The following DTD1 variants were observed in gnomAD, a reference collection of about 807,000 sequenced individuals.
DTD1 encodes D-aminoacyl-tRNA deacylase 1.
In DTD1, 13 loss-of-function variants were observed where a neutral mutation model predicts 25.6. The observed-to-expected ratio is 0.51, with a 90% CI of 0.33 to 0.81. DTD1 has a LOEUF of 0.81. DTD1 is among the 30% of genes least tolerant of loss of function. The pLI is 0.02. For synonymous variants in DTD1, 110 were observed against 103.6 expected (o/e 1.06, Z -0.37); for missense variants, 193 against 266.4 (o/e 0.72, Z 1.92).
chr20:18,711,778 G>T (rs2061159542), intron 4 of DTD1, among the ~76,000 whole-genome samples: 1 of 152,146 alleles, frequency 6.6e-6, no homozygotes, highest in African/African-American at 2.4e-5. Flanking sequence ...AGACACAGTG[G>T]CTCATGCCTG....
At chr20:18,717,621 G>C (rs1260614849) in intron 4 of DTD1, among the ~76,000 whole-genome samples, 1 of 152,026 alleles carries the variant, frequency 6.6e-6, no homozygotes, top group Non-Finnish European at 1.5e-5. Context: ...CATATTTATT[G>C]AAAAAATTAT....
At position 18,593,794 on chromosome 20, in the gene DTD1, A is replaced by T; in HGVS notation, c.107A>T (p.Glu36Val). Reference protein sequence around the residue: ...GICVLLGISLEDTQKELEHMV... With the variant: ...GICVLLGISLVDTQKELEHMV... ...TGTGTGTTGCTGGGTATTTCCCTGGAGGATACGCAGAAGGAACTGGAACAC... is the reference window on the plus strand; with the variant it reads ...TGTGTGTTGCTGGGTATTTCCCTGGTGGATACGCAGAAGGAACTGGAACAC... Residue 36 changes from glutamate (E) to valine (V), a missense_variant, in exon 2 of 6, where the codon GAG (glutamate) becomes GTG (valine). Transcript: ENST00000377452. The T allele has an allele frequency of 6.2e-7, 1 of 1,613,900 alleles. No homozygotes were observed.
intron 4 of DTD1, among the ~76,000 whole-genome samples, chr20:18,733,154 G>A (rs1476948576): frequency 1.3e-5 from 2 of 152,198 alleles, no homozygotes; most frequent in Non-Finnish European, 2.9e-5. Flanking sequence ...CAGGGGGACT[G>A]TGTGGGACAT....
intron 4 of DTD1, among the ~76,000 whole-genome samples, chr20:18,670,166 A>C (rs541938317): frequency 7.9e-5 from 12 of 152,242 alleles, no homozygotes; most frequent in African/African-American, 2.9e-4. Flanking sequence ...TTCAAATGTA[A>C]GTCATTTTGG....
At chr20:18,723,602 A>G (rs565012007) in intron 4 of DTD1, among the ~76,000 whole-genome samples, 2 of 152,344 alleles carry the variant, frequency 1.3e-5, no homozygotes, top group Admixed American at 6.5e-5. Context: ...TGATATCCAC[A>G]CTACAGTACA....
At chr20:18,688,251 A>G (rs1025149162) in intron 4 of DTD1, among the ~76,000 whole-genome samples, 1 of 152,248 alleles carries the variant, frequency 6.6e-6, no homozygotes, top group Non-Finnish European at 1.5e-5. Flanking sequence ...CATTTGGGAT[A>G]CCATGATGAA....
chr20:18,602,859 GC>G (rs2060641208), intron 3 of DTD1, among the ~76,000 whole-genome samples: 1 of 108,964 alleles, frequency 9.2e-6, no homozygotes, highest in Non-Finnish European at 2.0e-5. Context: ...GGAAGAAACT[GC>G]ATCAACTAAT....
At chr20:18,643,049 G>A (rs1344917851) in intron 4 of DTD1, 3 of 160,956 alleles carry the variant, frequency 1.9e-5, no homozygotes. Context: ...CCCAGTAGCT[G>A]GGATTGCAGG....
chr20:18,724,796 T>G (rs181730142), intron 4 of DTD1, among the ~76,000 whole-genome samples: 7 of 152,332 alleles, frequency 4.6e-5, no homozygotes, highest in South Asian at 2.1e-4. Flanking sequence ...TCCAAATAAA[T>G]GGGGATCTAT....
chr20:18,635,726 C>T (rs576580787), intron 4 of DTD1, among the ~76,000 whole-genome samples: 5 of 152,248 alleles, frequency 3.3e-5, no homozygotes, highest in South Asian at 4.1e-4. Flanking sequence ...TAATTTGTTT[C>T]CAAATAGATG....
intron 4 of DTD1, among the ~76,000 whole-genome samples, chr20:18,656,947 A>G (rs1163179626): frequency 6.6e-6 from 1 of 152,240 alleles, no homozygotes; most frequent in Non-Finnish European, 1.5e-5. Flanking sequence ...ATAATTTGTC[A>G]TACAAAAAAA....
chr20:18,635,544 T>C (rs1195997450), intron 4 of DTD1, among the ~76,000 whole-genome samples: 1 of 149,640 alleles, frequency 6.7e-6, no homozygotes, highest in East Asian at 2.0e-4. Flanking sequence ...GTGGAGCTCC[T>C]GACCTCACTC....
chr20:18,666,298 C>A (rs553343517), intron 4 of DTD1, among the ~76,000 whole-genome samples: 101 of 152,258 alleles, frequency 6.6e-4, no homozygotes, highest in African/African-American at 2.2e-3. Context: ...GTGATGTTAA[C>A]CTTGATCACC....
At chr20:18,676,057 T>G (rs1261941707) in intron 4 of DTD1, among the ~76,000 whole-genome samples, 2 of 152,200 alleles carry the variant, frequency 1.3e-5, no homozygotes, top group Non-Finnish European at 2.9e-5. Flanking sequence ...ATCACTGTTT[T>G]TGGATTTTGG....
At chr20:18,751,611 G>A (rs1045828113) in intron 5 of DTD1, among the ~76,000 whole-genome samples, 1 of 151,908 alleles carries the variant, frequency 6.6e-6, no homozygotes, top group Non-Finnish European at 1.5e-5. Flanking sequence ...TTGTGCCTCA[G>A]CCTCCCTAGT....
rs761982262 is a variant in DTD1, at chr20:18,593,791, T to C, written c.104T>C (p.Leu35Pro). The change falls in exon 2 of 6, where the codon CTG becomes CCG. Residue 35 changes from leucine (L) to proline (P), a missense_variant. Transcript: ENST00000377452. ...ATATGTGTGTTGCTGGGTATTTCCC[T>C]GGAGGATACGCAGAAGGAACTGGAA... ...RGICVLLGIS[L>P]EDTQKELEHM... The C allele has an allele frequency of 6.2e-7, 1 of 1,613,982 alleles. No homozygotes were observed. Among genetic ancestry groups the C allele is most frequent in the Non-Finnish European group, 8.5e-7 (1 of 1,179,898 alleles).
intron 3 of DTD1, chr20:18,620,086 G>A (rs2060727195): frequency 1.3e-5 from 2 of 151,992 alleles, no homozygotes; most frequent in African/African-American, 4.8e-5. Flanking sequence ...TTTAGTTATT[G>A]AGGATTTTTA....
intron 4 of DTD1, among the ~76,000 whole-genome samples, chr20:18,647,728 T>A (rs1600342167): frequency 6.6e-6 from 1 of 151,874 alleles, no homozygotes; most frequent in East Asian, 1.9e-4. Flanking sequence ...TTTTTGGCGG[T>A]GGGCAGTGGG....
intron 3 of DTD1, among the ~76,000 whole-genome samples, chr20:18,596,467 T>C (rs1366675983): frequency 6.6e-6 from 1 of 152,214 alleles, no homozygotes; most frequent in Admixed American, 6.5e-5. Context: ...TGTTCACATT[T>C]TGAAAATGTT....
Sources: allele counts gnomAD v4.1 joint callset (sites outside exome capture counted in the v4.1 genomes callset), GRCh38; gene constraint gnomAD v4.1.1; transcripts MANE v1.5; gene names NCBI Gene and HGNC (gene_info 2026-07-23, HGNC 2026-07-21).